The following PCDH7 variants were observed in gnomAD, a reference collection of about 807,000 sequenced individuals.
PCDH7 encodes the protein protocadherin 7.
PCDH7 carries 17 observed loss-of-function variants against 58.9 expected under a neutral mutation model. That is an observed-to-expected ratio of 0.29 (90% CI 0.20 to 0.43). The LOEUF (loss-of-function observed/expected upper bound fraction) is 0.43. PCDH7 is among the 20% of genes least tolerant of loss of function. The pLI is 1.00. For missense variants in PCDH7, 1,274 were observed against 1,441.0 expected, an observed-to-expected ratio of 0.88 and a Z score of 1.88; for synonymous variants, 664 against 616.4, an observed-to-expected ratio of 1.08 and a Z score of -1.14.
chr4:30,884,186 A>C (rs866072181), intron 1 of PCDH7, among the ~76,000 whole-genome samples: 47 of 152,286 alleles, frequency 3.1e-4, no homozygotes, highest in African/African-American at 1.1e-3. Context: ...TTACTCGCCA[A>C]ACACTGTACA....
chr4:30,831,475 G>A (rs1729772348), intron 1 of PCDH7, among the ~76,000 whole-genome samples: 1 of 152,096 alleles, frequency 6.6e-6, no homozygotes, highest in African/African-American at 2.4e-5. Flanking sequence ...CATTTGTAAA[G>A]TCTTAGGCAC....
chr4:31,046,414 T>C (rs1293760530), intron 3 of PCDH7, among the ~76,000 whole-genome samples: 1 of 152,014 alleles, frequency 6.6e-6, no homozygotes. Context: ...ATATGAGTTA[T>C]ATATGTAAAA....
intron 1 of PCDH7, among the ~76,000 whole-genome samples, chr4:30,910,184 A>C (rs1162126331): frequency 6.6e-6 from 1 of 152,226 alleles, no homozygotes; most frequent in African/African-American, 2.4e-5. Flanking sequence ...CTCAAGATGG[A>C]TTAAAGATTT....
intron 3 of PCDH7, among the ~76,000 whole-genome samples, chr4:31,031,746 G>A (rs1293283587): frequency 1.3e-5 from 2 of 152,022 alleles, no homozygotes; most frequent in Admixed American, 6.6e-5. Flanking sequence ...AATTAAAAGG[G>A]CCTTTGGAAA....
intron 1 of PCDH7, among the ~76,000 whole-genome samples, chr4:30,767,579 G>C (rs755022818): frequency 6.6e-6 from 1 of 152,090 alleles, no homozygotes; most frequent in African/African-American, 2.4e-5. Context: ...GAACTGTGAC[G>C]GTTTGTTCAT....
chr4:31,038,985 A>C (rs528568831), intron 3 of PCDH7, among the ~76,000 whole-genome samples: 1 of 152,328 alleles, frequency 6.6e-6, no homozygotes, highest in South Asian at 2.1e-4. Context: ...TTCAAAGAGT[A>C]AATTAGCATA....
chr4:30,722,090 A>T lies in PCDH7; in HGVS notation c.668A>T (p.Lys223Met). ...AGCGGCGGCGGCTCGGGAGGCTCCA[A>T]GCGGCGGCTGGACGCATCAGAGGGC... Residue 223 changes from lysine (K) to methionine (M), a missense_variant, in exon 1 of 2, where the codon AAG becomes ATG. Physicochemically the swap from Lys to Met is moderately conservative, Grantham distance 95. Coordinates refer to ENST00000361762, the Ensembl canonical transcript of PCDH7. This position sits in a 1 kb window ranked among gnomAD's most constrained non-coding sequence, Gnocchi z 7.6. 2 of 1,322,390 alleles carry T rather than the reference A, an allele frequency of 1.5e-6. No homozygotes were observed. Among genetic ancestry groups the T allele is most frequent in the Non-Finnish European group, 1.9e-6 (2 of 1,040,868 alleles). 81.9% of individuals were successfully genotyped at this position (1,322,390 alleles called of 1,614,324 possible).
At chr4:30,937,129 T>C (rs1353924828) in intron 2 of PCDH7, among the ~76,000 whole-genome samples, 1 of 152,090 alleles carries the variant, frequency 6.6e-6, no homozygotes, top group Non-Finnish European at 1.5e-5. Context: ...ATTAACTTTT[T>C]TAATTATGCA....
At chr4:30,738,380 G>A (rs1716599318) in intron 1 of PCDH7, among the ~76,000 whole-genome samples, 1 of 150,690 alleles carries the variant, frequency 6.6e-6, no homozygotes, top group Non-Finnish European at 1.5e-5. Flanking sequence ...CAACCTTATG[G>A]ATCTGTTCTT....
intron 1 of PCDH7, among the ~76,000 whole-genome samples, chr4:30,909,018 G>A (rs968060916): frequency 3.9e-5 from 6 of 152,116 alleles, no homozygotes; most frequent in African/African-American, 1.2e-4. Context: ...ATGCAAGGCT[G>A]GTTCAACATA....
At chr4:30,731,623 T>C (rs1037986525) in exon 2 of PCDH7, 3 of 152,178 alleles carry the variant, frequency 2.0e-5, no homozygotes, top group African/African-American at 4.8e-5. Context: ...TTCTGTTCTT[T>C]ATGGACTACG....
chr4:30,723,716 C>A lies in PCDH7; in HGVS notation c.2294C>A (p.Thr765Lys). 2 of 1,614,168 alleles carry A rather than the reference C, an allele frequency of 1.2e-6. No homozygotes were observed. Reference sequence around the variant, plus strand: ...AGTAATGTCAGGACAGTAGTAGCTACAGTGTTGGCAACAGACAGTGATGAT... The same window carrying A: ...AGTAATGTCAGGACAGTAGTAGCTAAAGTGTTGGCAACAGACAGTGATGAT... The change falls in exon 1 of 2, where the codon ACA becomes AAA. Residue 765 changes from threonine (T) to lysine (K), a missense_variant. Around this residue, in one of 3 missense-constraint regions of PCDH7, gnomAD observed 731 missense variants for 881.9 expected, o/e 0.83. Transcript: ENST00000361762. This position sits in a 1 kb window ranked among gnomAD's most constrained non-coding sequence, Gnocchi z 4.6.
At chr4:31,125,422 G>T (rs1718181530) in intron 3 of PCDH7, among the ~76,000 whole-genome samples, 1 of 152,144 alleles carries the variant, frequency 6.6e-6, no homozygotes, top group Non-Finnish European at 1.5e-5. Context: ...TCCACATATA[G>T]AGGAGTATTT....
intron 3 of PCDH7, among the ~76,000 whole-genome samples, chr4:31,122,313 A>G (rs1443889050): frequency 6.6e-6 from 1 of 152,194 alleles, no homozygotes; most frequent in Non-Finnish European, 1.5e-5. Flanking sequence ...AAATGACACT[A>G]CTTAATCCAG....
At chr4:30,961,803 T>C (rs1748461311) in intron 3 of PCDH7, among the ~76,000 whole-genome samples, 2 of 152,184 alleles carry the variant, frequency 1.3e-5, no homozygotes, top group African/African-American at 2.4e-5. Flanking sequence ...CTGCCATCTT[T>C]AAGCTGCAAA....
At chr4:31,004,654 C>G (rs1045698371) in intron 3 of PCDH7, among the ~76,000 whole-genome samples, 3 of 152,108 alleles carry the variant, frequency 2.0e-5, no homozygotes, top group Admixed American at 1.3e-4. Context: ...ACACTGCACT[C>G]CAGCCTGGGC....
intron 3 of PCDH7, among the ~76,000 whole-genome samples, chr4:31,103,745 T>C (rs1262848890): frequency 3.3e-5 from 5 of 152,230 alleles, no homozygotes; most frequent in Admixed American, 2.6e-4. Flanking sequence ...CCTCTATGAA[T>C]ATGACTGTTC....
intron 1 of PCDH7, among the ~76,000 whole-genome samples, chr4:30,889,696 A>G (rs1452925258): frequency 6.6e-6 from 1 of 152,068 alleles, no homozygotes; most frequent in Non-Finnish European, 1.5e-5. Context: ...GCTTTCTTAC[A>G]CTGTGGTCTC....
intron 1 of PCDH7, among the ~76,000 whole-genome samples, chr4:30,774,182 G>C (rs1319298661): frequency 6.6e-6 from 1 of 152,028 alleles, no homozygotes; most frequent in African/African-American, 2.4e-5. Context: ...CCATACCCAG[G>C]AGGGTGTATA....
Sources: gnomAD v4.1 joint callset for allele counts (sites outside exome capture counted in the v4.1 genomes callset) on GRCh38, gnomAD v4.1.1 for gene constraint, gnomAD v4.1.1 regional missense constraint, Gnocchi (gnomAD v3.1) non-coding constraint, MANE v1.5 for transcripts, NCBI Gene and HGNC (gene_info 2026-07-23, HGNC 2026-07-21) for gene names.